The following NLGN4X variants were observed in gnomAD, a reference collection of about 807,000 sequenced individuals.
NLGN4X encodes the protein neuroligin-4, X-linked.
A neutral mutation model predicts 40.3 loss-of-function variants in NLGN4X; 3 were observed. The observed-to-expected ratio is 0.07, with a 90% CI of 0.03 to 0.19. NLGN4X has a LOEUF of 0.19. Ranked by LOEUF, NLGN4X falls within the 10% of genes least tolerant of loss-of-function variation. The pLI, the probability that NLGN4X is intolerant of heterozygous loss-of-function variation, is 1.00. For missense variants in NLGN4X, 382 were observed against 708.3 expected (o/e 0.54, Z 5.23); for synonymous variants, 270 against 306.8 (o/e 0.88, Z 1.25).
In NLGN4X at chrX:6,225,009, T is replaced by C. The variant is rs577828145; in HGVS notation, c.-306+3532A>G. Among the ~76,000 whole-genome samples the C allele has an allele frequency of 8.3e-5, 4 of 48,421 alleles. No homozygotes were observed. The East Asian group carries it at 1.6e-3, about 20-fold the overall frequency. The allele number at this position is 48,421 out of a possible 115,157, so 42.0% of individuals were successfully genotyped here. Reference sequence around the variant, plus strand: ...ATATATATATATATATATATATATATATACACACACACACACATATATGTA... The same window carrying C: ...ATATATATATATATATATATATATACATACACACACACACACATATATGTA... On this transcript the variant is annotated intron_variant, in intron 1 of 5. Coordinates refer to ENST00000381095, the MANE Select transcript of NLGN4X (RefSeq NM_181332.3).
chrX:6,101,019 T>G (rs2038896761), intron 2 of NLGN4X, among the ~76,000 whole-genome samples: 1 of 110,425 alleles, frequency 9.1e-6, no homozygotes, highest in Admixed American at 9.7e-5. Flanking sequence ...GGTAGGAAAA[T>G]CATGTCTCCC....
chrX:6,161,510 A>G (rs890594979), intron 1 of NLGN4X, among the ~76,000 whole-genome samples: 15 of 104,128 alleles, frequency 1.4e-4, no homozygotes, highest in African/African-American at 4.1e-4. Context: ...AGAATAATAT[A>G]AAACATTCAC....
chrX:6,021,008 C>T (rs796510596), intron 3 of NLGN4X, among the ~76,000 whole-genome samples: 3 of 12,563 alleles, frequency 2.4e-4, no homozygotes, highest in Admixed American at 9.6e-4. Context: ...TCTTTTCTCT[C>T]TCTCTCTCTC....
chrX:6,160,534 A>T (rs989164050), intron 1 of NLGN4X, among the ~76,000 whole-genome samples: 5 of 100,003 alleles, frequency 5.0e-5, no homozygotes, highest in Admixed American at 4.4e-4. Flanking sequence ...CTATAAAATA[A>T]TTTTTTTTTT....
At chrX:6,070,707 G>A (rs2038039281) in intron 2 of NLGN4X, among the ~76,000 whole-genome samples, 1 of 112,257 alleles carries the variant, frequency 8.9e-6, no homozygotes, top group African/African-American at 3.2e-5. Flanking sequence ...AAGGAAAGAG[G>A]TTTAATTGAC....
chrX:6,123,145 T>G (rs1172061250), intron 2 of NLGN4X, among the ~76,000 whole-genome samples: 1 of 111,197 alleles, frequency 9.0e-6, no homozygotes, highest in Non-Finnish European at 1.9e-5. Context: ...AAGTAAATAA[T>G]ACGTTGATTT....
Position 6,084,387 on chromosome X carries a change from G to C in NLGN4X, c.473-54955C>G, listed in dbSNP as rs746067901. Among the ~76,000 whole-genome samples, 42 of 111,535 alleles carry C rather than the reference G, an allele frequency of 3.8e-4. No individual in the cohort carries two copies. The South Asian group carries it at 0.013, about 35-fold the overall frequency. On this transcript the variant is annotated intron_variant, in intron 2 of 5. Transcript: ENST00000381095. Reference sequence around the variant, plus strand: ...ACAGGATTGAGGCTGACTGGCCATTGGACACAGGAGGAGTACTTGGGTTGA... The same window carrying C: ...ACAGGATTGAGGCTGACTGGCCATTCGACACAGGAGGAGTACTTGGGTTGA...
chrX:5,921,390 C>CGA (rs2033039435), intron 3 of NLGN4X, among the ~76,000 whole-genome samples: 1 of 17,193 alleles, frequency 5.8e-5, no homozygotes, highest in Non-Finnish European at 1.2e-4. Context: ...TGAAAATGAA[C>CGA]CAGAGAGAGA....
intron 2 of NLGN4X, among the ~76,000 whole-genome samples, chrX:6,058,548 C>T (rs145668594): frequency 4.8e-4 from 54 of 111,773 alleles, no homozygotes; most frequent in African/African-American, 1.7e-3. Flanking sequence ...TTTATTTTAG[C>T]ATATGATAAG....
chrX:6,218,474 CCACACACACACACACA>C (rs371223344), intron 1 of NLGN4X, among the ~76,000 whole-genome samples: 471 of 46,979 alleles, frequency 0.01, 4 homozygotes, highest in African/African-American at 0.032. Context: ...GAGATTAAAC[CCACACACACACACACA>C]CACACACACA....
chrX:6,221,809 GTCACACGGCATGCCTCA>G (rs1228089159), intron 1 of NLGN4X, among the ~76,000 whole-genome samples: 5 of 110,481 alleles, frequency 4.5e-5, no homozygotes, highest in Admixed American at 3.9e-4. Flanking sequence ...GACCATTGGA[GTCACACGGCATGCCTCA>G]CTGAGTTCTT....
At chrX:5,975,965 CT>C (rs1426035725) in intron 3 of NLGN4X, among the ~76,000 whole-genome samples, 1 of 111,232 alleles carries the variant, frequency 9.0e-6, no homozygotes, top group South Asian at 3.8e-4. Context: ...CCTTCCCCAC[CT>C]TTTCCTTTTG....
At chrX:5,978,264 GTCTCTTTTTTTCTTTCTTTCTTTCTT>G (rs1414814889) in intron 3 of NLGN4X, among the ~76,000 whole-genome samples, 30 of 107,850 alleles carry the variant, frequency 2.8e-4, no homozygotes, top group African/African-American at 8.9e-4. Flanking sequence ...AAAGACAGGC[GTCTCTTTTTTTCTTTCTTTCTTTCTT>G]TCTTTCTTTC....
At chrX:6,029,920 T>C (rs2036810034) in intron 2 of NLGN4X, among the ~76,000 whole-genome samples, 1 of 110,793 alleles carries the variant, frequency 9.0e-6, no homozygotes. Context: ...AATAAAAACA[T>C]AAAAGTAGTA....
chrX:6,196,322 T>C (rs1344508784), intron 1 of NLGN4X, among the ~76,000 whole-genome samples: 2 of 110,458 alleles, frequency 1.8e-5, no homozygotes, highest in East Asian at 2.9e-4. Context: ...GAGGCCGAGG[T>C]GGGCGGATCA....
chrX:5,957,900 T>C (rs1462179242), intron 3 of NLGN4X, among the ~76,000 whole-genome samples: 2 of 112,466 alleles, frequency 1.8e-5, no homozygotes, highest in East Asian at 5.7e-4. Context: ...AGCATTAAAA[T>C]TTTTTCCCTA....
chrX:5,923,206 T>C (rs1338556099), intron 3 of NLGN4X, among the ~76,000 whole-genome samples: 3 of 112,428 alleles, frequency 2.7e-5, no homozygotes, highest in African/African-American at 9.7e-5. Context: ...TTGAGATGCA[T>C]TGGGCATCTC....
intron 2 of NLGN4X, among the ~76,000 whole-genome samples, chrX:6,038,430 T>C (rs1250235580): frequency 8.9e-6 from 1 of 112,605 alleles, no homozygotes; most frequent in Non-Finnish European, 1.9e-5. Context: ...ATGCATACAC[T>C]TGAAATATAT....
At chrX:6,203,965 C>T (rs1439304482) in intron 1 of NLGN4X, among the ~76,000 whole-genome samples, 4 of 112,239 alleles carry the variant, frequency 3.6e-5, no homozygotes, top group Non-Finnish European at 5.6e-5. Flanking sequence ...GAATGTGTGA[C>T]GTGCATGCCT....
Sources: allele counts gnomAD v4.1 joint callset (sites outside exome capture counted in the v4.1 genomes callset), GRCh38; gene constraint gnomAD v4.1.1; transcripts MANE v1.5; gene names NCBI Gene and HGNC (gene_info 2026-07-23, HGNC 2026-07-21).